Variants in ACP2 observed in about 807,000 individuals in gnomAD.
ACP2 encodes lysosomal acid phosphatase.
ACP2 carries 35 observed loss-of-function variants against 54.7 expected under a neutral mutation model. The observed-to-expected ratio is 0.64, with a 90% CI of 0.49 to 0.85. The LOEUF is 0.85. Among genes scored for constraint, ACP2 ranks in the 40% least tolerant of loss-of-function variants. The pLI is 0.00. For synonymous variants in ACP2, 210 were observed against 224.4 expected (o/e 0.94, Z 0.57); for missense variants, 492 against 565.0 (o/e 0.87, Z 1.31).
intron 2 of ACP2, 132 bp from the exon 3 acceptor site, chr11:47,247,859 A>C: frequency 1.0e-6 from 1 of 1,001,232 alleles, no homozygotes; most frequent in South Asian, 1.6e-5. Flanking sequence ...GAAGTCTTTC[A>C]TTAAGTGGCC....
chr11:47,242,495 TG>T (rs1414970633), intron 10 of ACP2, among the ~76,000 whole-genome samples: 1 of 150,638 alleles, frequency 6.6e-6, no homozygotes, highest in Non-Finnish European at 1.5e-5. Context: ...AACCTGGTGG[TG>T]GGAGAACGAG....
At chr11:47,243,398 A>C in intron 7 of ACP2, 77 bp from the exon 8 acceptor site, 1 of 1,285,724 alleles carries the variant, frequency 7.8e-7, no homozygotes, top group African/African-American at 1.5e-5. Context: ...TGCTCCTTTC[A>C]CCCTCTGCCA....
chr11:47,245,280 A>C (rs1954024285), intron 6 of ACP2, 25 bp downstream of exon 6: 3 of 1,609,920 alleles, frequency 1.9e-6, no homozygotes, highest in Admixed American at 3.3e-5. Flanking sequence ...AAGAATGATC[A>C]CAGTGGGCAC....
At position 47,242,913 on chromosome 11, in the gene ACP2, G is replaced by A. The variant is rs1172461860; in HGVS notation, c.963-15C>T. 24 of 1,609,326 alleles carry A rather than the reference G, an allele frequency of 1.5e-5. No individual in the cohort carries two copies. The highest frequency in any genetic ancestry group is 1.9e-5 in the Non-Finnish European group (22 of 1,176,136). On this transcript the variant is annotated splice_polypyrimidine_tract_variant and intron_variant, in intron 9 of 10. Transcript: ENST00000672073. ...CTGAGAAATTCCTGAGGGTCGACAGGAGGCAACATGGGAGCTGCTCAGCCT... is the reference window on the plus strand; with the variant it reads ...CTGAGAAATTCCTGAGGGTCGACAGAAGGCAACATGGGAGCTGCTCAGCCT...
intron 7 of ACP2, among the ~76,000 whole-genome samples, chr11:47,244,457 G>A (rs1019108482): frequency 2.0e-5 from 3 of 152,030 alleles, no homozygotes; most frequent in African/African-American, 7.3e-5. Context: ...AGAGGTTGTA[G>A]TGAGCCAAGA....
intron 6 of ACP2, 173 bp from the exon 7 acceptor site, chr11:47,245,040 G>T: frequency 7.8e-7 from 1 of 1,283,570 alleles, no homozygotes. Flanking sequence ...CAGGGCACAG[G>T]AAAGGAAGCT....
Position 47,242,739 on chromosome 11 carries a change from G to A in ACP2, c.1122C>T (p.Ser374=), listed in dbSNP as rs149746754. The A allele has an allele frequency of 7.8e-5, 126 of 1,613,414 alleles. No individual in the cohort carries two copies. The highest frequency in any genetic ancestry group is 9.0e-5 in the Non-Finnish European group (106 of 1,179,642). Residue 374 remains serine, a synonymous_variant, in exon 10 of 11, where the codon AGC becomes AGT. Coordinates refer to ENST00000672073, the MANE Select transcript of ACP2 (RefSeq NM_001610.4). ...ACAGCTCACCTGTGTCTGCAGGACC[G>A]CTTGCCAGCTGGCACTCCTGCTGCC... ...KDWQQECQLA[S]GPADTEVIVA... is the part of the protein sequence containing the mutation.
intron 3 of ACP2, 169 bp downstream of exon 3, chr11:47,247,472 C>T (rs1954198928): frequency 6.7e-6 from 5 of 751,774 alleles, no homozygotes; most frequent in Non-Finnish European, 6.5e-6. Context: ...AGGGGCAACT[C>T]AGCTCCTAGG....
Position 47,239,355 on chromosome 11 carries a change from T to TA in ACP2, c.*760dup, listed in dbSNP as rs1591006389. On this transcript the variant is annotated 3_prime_UTR_variant, in exon 11 of 11. Coordinates refer to ENST00000672073, the MANE Select transcript of ACP2 (RefSeq NM_001610.4). ...CATTCTCTGGGAGCTGCCCCAGCCC[T>TA]ATTCTGGGCCACAGTCTAGAACTTT... The TA allele has an allele frequency of 5.1e-6, 1 of 197,664 alleles. No homozygotes were observed. The highest frequency in any genetic ancestry group is 5.3e-5 in the Admixed American group (1 of 18,868). The allele number at this position is 197,664 out of a possible 1,614,324, so 12.2% of individuals were successfully genotyped here.
chr11:47,243,390 C>A, intron 7 of ACP2, 69 bp from the exon 8 acceptor site: 1 of 1,357,326 alleles, frequency 7.4e-7, no homozygotes, highest in Non-Finnish European at 1.0e-6. Context: ...CCTATCTGTG[C>A]TCCTTTCACC....
At position 47,245,313 on chromosome 11, in the gene ACP2, A is replaced by C; in HGVS notation, c.631T>G (p.Phe211Val). 4 of 1,614,104 alleles carry C rather than the reference A, an allele frequency of 2.5e-6. No individual in the cohort carries two copies. Among genetic ancestry groups the C allele is most frequent in the Non-Finnish European group, 3.4e-6 (4 of 1,180,008 alleles). The change falls in exon 6 of 11, where the codon TTC becomes GTC. Residue 211 changes from phenylalanine (F) to valine (V), a missense_variant. Physicochemically the swap from Phe to Val is conservative, Grantham distance 50. Transcript: ENST00000672073. Reference sequence around the variant, plus strand: ...CACCCTAGTGGGCTCACCTCACAGAAGAGTGTGTCATAGACATTCCAGACG... The same window carrying C: ...CACCCTAGTGGGCTCACCTCACAGACGAGTGTGTCATAGACATTCCAGACG... Reference protein sequence around the residue: ...ETVWNVYDTLFCEQTHGLRLP... With the variant: ...ETVWNVYDTLVCEQTHGLRLP...
chr11:47,245,204 CA>C lies in ACP2; in HGVS notation c.639+100del, dbSNP rs757969651. ...CAAGCACAGCCTCCCTGGACCTCCCCAGGGGCGTGACGGTATCAGGCACTGT... is the reference window on the plus strand; with the variant it reads ...CAAGCACAGCCTCCCTGGACCTCCCCGGGGCGTGACGGTATCAGGCACTGT... On this transcript the variant is annotated intron_variant, in intron 6 of 10. Transcript: ENST00000672073. The C allele has an allele frequency of 8.4e-6, 11 of 1,305,982 alleles. No individual in the cohort carries two copies. The African/African-American group carries it at 1.3e-4, about 15-fold the overall frequency. 80.9% of individuals were successfully genotyped at this position (1,305,982 alleles called of 1,614,324 possible). A position where few individuals can be genotyped will look rare whatever the true frequency, so the allele number is the denominator to read the frequency against.
Position 47,239,726 on chromosome 11 carries a change from T to C in ACP2, c.*390A>G, listed in dbSNP as rs776490918. On this transcript the variant is annotated 3_prime_UTR_variant, in exon 11 of 11. Transcript: ENST00000672073. Reference sequence around the variant, plus strand: ...GCAAGACCGTGTCCCTCTGAGCTATTTGCCGAAGACTTCAGGCTGGAGGAA... The same window carrying C: ...GCAAGACCGTGTCCCTCTGAGCTATCTGCCGAAGACTTCAGGCTGGAGGAA... 8.5e-5 allele frequency: 15 copies of C among 176,444 alleles called. No homozygotes were observed. Among genetic ancestry groups the C allele is most frequent in the Non-Finnish European group, 1.7e-4 (14 of 83,860 alleles). 10.9% of individuals were successfully genotyped at this position (176,444 alleles called of 1,614,324 possible).
At chr11:47,240,740 G>A (rs1399161317) in intron 10 of ACP2, among the ~76,000 whole-genome samples, 2 of 151,486 alleles carry the variant, frequency 1.3e-5, no homozygotes, top group Admixed American at 6.6e-5. Context: ...AGAATTGCTT[G>A]AACCTGGGAG....
chr11:47,240,104 GC>G lies in ACP2; in HGVS notation c.*11del. ...TCCCCTAGGAGGTGGAGGGAAGGGG[GC>G]TGAGTGGTTGTCAGGCGTGGTCCTC... On this transcript the variant is annotated 3_prime_UTR_variant, in exon 11 of 11. Transcript: ENST00000672073. The G allele has an allele frequency of 6.2e-7, 1 of 1,611,652 alleles. No individual in the cohort carries two copies. The highest frequency in any genetic ancestry group is 1.3e-5 in the African/African-American group (1 of 75,024).
intron 3 of ACP2, among the ~76,000 whole-genome samples, chr11:47,246,124 C>T (rs1045349993): frequency 6.6e-6 from 1 of 152,160 alleles, no homozygotes; most frequent in African/African-American, 2.4e-5. Context: ...TGGGAATGGC[C>T]TTAGTTGAAA....
At chr11:47,245,924 GTA>G (rs780164902) in intron 3 of ACP2, 90 bp from the exon 4 acceptor site, 16 of 1,441,564 alleles carry the variant, frequency 1.1e-5, no homozygotes, top group Non-Finnish European at 1.5e-5. Flanking sequence ...AGCCTTGTAT[GTA>G]TGTGTGTGTG....
chr11:47,247,208 C>T (rs1377744740), intron 3 of ACP2, among the ~76,000 whole-genome samples: 3 of 152,166 alleles, frequency 2.0e-5, no homozygotes, highest in Admixed American at 6.5e-5. Context: ...ATGTCTTCCC[C>T]GCTGTCTTTC....
rs1591007212 is a variant in ACP2 at position 47,240,068 on chromosome 11, C to T, written c.*48G>A. The T allele has an allele frequency of 6.3e-7, 1 of 1,580,058 alleles. No individual in the cohort carries two copies. The highest frequency in any genetic ancestry group is 8.6e-7 in the Non-Finnish European group (1 of 1,162,686). On this transcript the variant is annotated 3_prime_UTR_variant, in exon 11 of 11. Coordinates refer to ENST00000672073, the MANE Select transcript of ACP2 (RefSeq NM_001610.4). The stretch of plus-strand genomic sequence containing the variant: ...GAGCAGCAACAGTCAGGAGCGAGGG[C>T]CCAGCCCACCTCCCCTAGGAGGTGG...
Sources: allele counts gnomAD v4.1 joint callset (sites outside exome capture counted in the v4.1 genomes callset), GRCh38; gene constraint gnomAD v4.1.1; transcripts MANE v1.5; gene names NCBI Gene and HGNC (gene_info 2026-07-23, HGNC 2026-07-21).